Variants in TMEM132C observed in about 807,000 individuals in gnomAD.
TMEM132C encodes transmembrane protein 132C, also known as protein phosphatase 1, regulatory subunit 152.
Under a neutral mutation model 61.4 loss-of-function variants are expected in TMEM132C, and 29 were observed. The ratio of observed to expected loss-of-function variants is 0.47; its 90% confidence interval spans 0.35 to 0.64. The LOEUF (loss-of-function observed/expected upper bound fraction) is 0.64, where lower values mean the gene tolerates loss of function less well. Ranked by LOEUF, TMEM132C falls within the 30% of genes least tolerant of loss-of-function variation. The pLI is 0.00. For missense variants in TMEM132C, 1,408 were observed against 1,476.9 expected (o/e 0.95, Z 0.76); for synonymous variants, 656 against 633.1 (o/e 1.04, Z -0.54).
At position 128,705,065 on chromosome 12, in the gene TMEM132C, C is replaced by T. The variant is rs898274087; in HGVS notation, c.2122-25C>T. On this transcript the variant is annotated intron_variant, in intron 8 of 8. Transcript: ENST00000435159. ...AGGGAAAAGGCATCCCCCAGGTGGT[C>T]TTCTAACTGCCTGTGTCCCTGCAGG... 19 of 1,495,718 alleles carry T rather than the reference C, an allele frequency of 1.3e-5. No homozygotes were observed. The African/African-American group carries it at 2.1e-4, about 16-fold the overall frequency. The allele number at this position is 1,495,718 out of a possible 1,614,324, so 92.7% of individuals were successfully genotyped here. A position where few individuals can be genotyped will look rare whatever the true frequency, so the allele number is the denominator to read the frequency against.
intron 3 of TMEM132C, among the ~76,000 whole-genome samples, chr12:128,611,593 A>G (rs1370256646): frequency 1.3e-5 from 2 of 152,180 alleles, no homozygotes; most frequent in Non-Finnish European, 2.9e-5. Flanking sequence ...TTGGGAAGAC[A>G]TCTTCCACCT....
chr12:128,685,429 T>C, intron 5 of TMEM132C, among the ~76,000 whole-genome samples: 1 of 152,202 alleles, frequency 6.6e-6, no homozygotes, highest in East Asian at 1.9e-4. Flanking sequence ...GTTTGGCCTG[T>C]CGCTGCCATT....
At chr12:128,412,503 C>A (rs1463229112) in intron 1 of TMEM132C, among the ~76,000 whole-genome samples, 2 of 152,084 alleles carry the variant, frequency 1.3e-5, no homozygotes, top group African/African-American at 4.8e-5. Context: ...AGGGCAGGAC[C>A]AGGTGGAGAT....
At chr12:128,561,986 G>A (rs1166717590) in intron 3 of TMEM132C, among the ~76,000 whole-genome samples, 7 of 152,158 alleles carry the variant, frequency 4.6e-5, no homozygotes, top group Admixed American at 4.6e-4. Flanking sequence ...GATGGGTGGG[G>A]TGTTGGGGGG....
rs1954833501 is a variant in TMEM132C at position 128,705,692 on chromosome 12, GGA to G, written c.2726_2727del (p.Glu909GlyfsTer13). 1 of 1,551,348 alleles carries G rather than the reference GGA, an allele frequency of 6.4e-7. No homozygotes were observed. The highest frequency in any genetic ancestry group is 8.7e-7 in the Non-Finnish European group (1 of 1,146,974). On this transcript the variant is annotated frameshift_variant, in exon 9 of 9. Transcript: ENST00000435159. LOFTEE classifies it low-confidence loss of function (END_TRUNC). ...VDLPKAGSGL[E>X]ENDLVQTPRG... is the part of the protein sequence containing the mutation. ...ACCTCCCCAAGGCCGGGAGTGGGCTGGAGGAAAACGACCTGGTGCAGACTCCG... is the reference window on the plus strand; with the variant it reads ...ACCTCCCCAAGGCCGGGAGTGGGCTGGGAAAACGACCTGGTGCAGACTCCG...
intron 2 of TMEM132C, among the ~76,000 whole-genome samples, chr12:128,457,918 T>C (rs1349896700): frequency 7.9e-5 from 12 of 152,152 alleles, no homozygotes; most frequent in Admixed American, 7.2e-4. Flanking sequence ...AGAGTCCCTG[T>C]TTTGCACTGC....
chr12:128,639,077 TATG>T lies in TMEM132C; in HGVS notation c.1305+22758_1305+22760del, dbSNP rs372605842. On this transcript the variant is annotated intron_variant, in intron 4 of 8. Transcript: ENST00000435159. ...ACAATGGTGATGATGATGATGGTGA[TATG>T]ATGATGATGATGATGGTGTTGATAA... Among the ~76,000 whole-genome samples, 379 of 134,246 alleles carry T rather than the reference TATG, an allele frequency of 2.8e-3. 5 individuals carry two copies. Among genetic ancestry groups the T allele is most frequent in the African/African-American group, 7.4e-3 (258 of 34,676 alleles). 88.1% of individuals were successfully genotyped at this position (134,246 alleles called of 152,430 possible). A position where few individuals can be genotyped will look rare whatever the true frequency, so the allele number is the denominator to read the frequency against.
chr12:128,282,720 T>A (rs1435884004), intron 1 of TMEM132C, among the ~76,000 whole-genome samples: 1 of 152,084 alleles, frequency 6.6e-6, no homozygotes, highest in Admixed American at 6.6e-5. Context: ...TTGTCATGGG[T>A]TTTTACTTTT....
At chr12:128,653,184 G>T (rs900813035) in intron 4 of TMEM132C, among the ~76,000 whole-genome samples, 5 of 150,762 alleles carry the variant, frequency 3.3e-5, no homozygotes, top group African/African-American at 1.2e-4. Context: ...GCCACATGTT[G>T]TATGATTCCC....
At chr12:128,335,036 G>A (rs1452430932) in intron 1 of TMEM132C, among the ~76,000 whole-genome samples, 3 of 152,108 alleles carry the variant, frequency 2.0e-5, no homozygotes, top group African/African-American at 7.2e-5. Flanking sequence ...TAAGCTGAGA[G>A]TCTTACATGT....
At chr12:128,395,523 T>G (rs1292519007) in intron 1 of TMEM132C, among the ~76,000 whole-genome samples, 1 of 152,204 alleles carries the variant, frequency 6.6e-6, no homozygotes, top group Non-Finnish European at 1.5e-5. Context: ...GAAAATACAT[T>G]TAATACACCT....
intron 1 of TMEM132C, among the ~76,000 whole-genome samples, chr12:128,401,521 A>G (rs1465725453): frequency 1.3e-5 from 2 of 152,170 alleles, no homozygotes; most frequent in Non-Finnish European, 2.9e-5. Flanking sequence ...GCTATGTTGG[A>G]GCAAGTTGCA....
intron 1 of TMEM132C, among the ~76,000 whole-genome samples, chr12:128,403,522 T>C (rs971788863): frequency 6.6e-5 from 10 of 152,292 alleles, no homozygotes; most frequent in Admixed American, 5.9e-4. Context: ...TTTTAAAAGC[T>C]TGTTACTATA....
chr12:128,686,070 CGT>C (rs1491292001), intron 5 of TMEM132C, among the ~76,000 whole-genome samples: 4 of 58,894 alleles, frequency 6.8e-5, no homozygotes, highest in Non-Finnish European at 2.0e-4. Flanking sequence ...TGTGTGCATG[CGT>C]GTGTGCGCAT....
At chr12:128,623,253 A>G (rs191260871) in intron 4 of TMEM132C, among the ~76,000 whole-genome samples, 1 of 152,274 alleles carries the variant, frequency 6.6e-6, no homozygotes, top group Admixed American at 6.5e-5. Context: ...TATCAGTAAA[A>G]GGAAAGTGGG....
At chr12:128,506,361 G>A (rs1237137690) in intron 2 of TMEM132C, among the ~76,000 whole-genome samples, 1 of 152,222 alleles carries the variant, frequency 6.6e-6, no homozygotes, top group African/African-American at 2.4e-5. Context: ...AGAGGCAGGT[G>A]CTCAAGTCAA....
At chr12:128,650,566 A>C (rs2135609542) in intron 4 of TMEM132C, among the ~76,000 whole-genome samples, 1 of 152,200 alleles carries the variant, frequency 6.6e-6, no homozygotes, top group East Asian at 1.9e-4. Flanking sequence ...TCTACCAAAA[A>C]GAATTATTAA....
intron 1 of TMEM132C, among the ~76,000 whole-genome samples, chr12:128,319,445 G>A (rs956558006): frequency 6.6e-6 from 1 of 151,956 alleles, no homozygotes; most frequent in Admixed American, 6.6e-5. Context: ...TTTGACTGAG[G>A]GAGTACAGGA....
At chr12:128,324,106 G>C (rs534613796) in intron 1 of TMEM132C, among the ~76,000 whole-genome samples, 1 of 152,154 alleles carries the variant, frequency 6.6e-6, no homozygotes, top group South Asian at 2.1e-4. Context: ...TTAGAGAGTC[G>C]CTGTGGGCCA....
Sources: gnomAD v4.1 joint callset for allele counts (sites outside exome capture counted in the v4.1 genomes callset) on GRCh38, gnomAD v4.1.1 for gene constraint, MANE v1.5 for transcripts, NCBI Gene and HGNC (gene_info 2026-07-23, HGNC 2026-07-21) for gene names.